Variants in HTR4 observed in about 807,000 individuals in gnomAD.
HTR4 encodes 5-hydroxytryptamine receptor 4.
A neutral mutation model predicts 36.8 loss-of-function variants in HTR4; 16 were observed. The observed-to-expected ratio is 0.43, with a 90% CI of 0.29 to 0.66. The LOEUF (loss-of-function observed/expected upper bound fraction) is 0.66, where lower values mean the gene tolerates loss of function less well. Among genes scored for constraint, HTR4 ranks in the 30% least tolerant of loss-of-function variants. The probability of loss-of-function intolerance (pLI) is 0.13; values close to 1 mark genes in which losing one functional copy is unlikely to be tolerated. For synonymous variants in HTR4, 189 were observed against 185.1 expected (o/e 1.02, Z -0.17); for missense variants, 438 against 490.9 (o/e 0.89, Z 1.02).
At chr5:148,572,697 T>G (rs1272940413) in intron 2 of HTR4, among the ~76,000 whole-genome samples, 1 of 152,128 alleles carries the variant, frequency 6.6e-6, no homozygotes, top group Admixed American at 6.6e-5. Flanking sequence ...AAATATCTCA[T>G]TCTTAAACCA....
At chr5:148,634,179 G>C (rs10477387) in intron 2 of HTR4, among the ~76,000 whole-genome samples, 59,497 of 151,870 alleles carry the variant, frequency 0.39, 12,219 homozygotes, top group East Asian at 0.54. Flanking sequence ...CTCAATTCTA[G>C]AGCTTGTGGA....
intron 6 of HTR4, among the ~76,000 whole-genome samples, chr5:148,486,568 T>C (rs1756169233): frequency 6.6e-6 from 1 of 152,198 alleles, no homozygotes; most frequent in South Asian, 2.1e-4. Context: ...TGTAAGATCA[T>C]TTGCAGCTCT....
At chr5:148,579,492 T>G (rs941717470) in intron 2 of HTR4, among the ~76,000 whole-genome samples, 8 of 152,086 alleles carry the variant, frequency 5.3e-5, no homozygotes, top group Admixed American at 5.2e-4. Flanking sequence ...ACATATTAGT[T>G]TTCTATAGAT....
intron 6 of HTR4, among the ~76,000 whole-genome samples, chr5:148,493,796 G>A (rs75231375): frequency 9.9e-4 from 151 of 152,238 alleles, no homozygotes; most frequent in African/African-American, 3.5e-3. Context: ...AGTCTGCCCT[G>A]GTAGGGGTTA....
At position 148,614,316 on chromosome 5, in the gene HTR4, A is replaced by G. The variant is rs1168991420; in HGVS notation, c.26+22673T>C. Among the ~76,000 whole-genome samples the G allele has an allele frequency of 1.1e-4, 17 of 150,874 alleles. No individual in the cohort carries two copies. In the East Asian group the frequency reaches 1.2e-3, roughly 10 times the overall value. ...GCTACAGTAACCAAAACAGCATGGT[A>G]CTGGTACCAAAACAGAGATATAGAT... On this transcript the variant is annotated intron_variant, in intron 2 of 6. Coordinates refer to ENST00000377888, the MANE Select transcript of HTR4 (RefSeq NM_000870.7).
chr5:148,642,733 C>T (rs926753824), intron 1 of HTR4, among the ~76,000 whole-genome samples: 7 of 152,156 alleles, frequency 4.6e-5, no homozygotes, highest in Non-Finnish European at 7.3e-5. Context: ...AAAATACTCT[C>T]ACTAAATGGA....
chr5:148,634,339 T>G (rs903758717), intron 2 of HTR4, among the ~76,000 whole-genome samples: 4 of 152,190 alleles, frequency 2.6e-5, no homozygotes, highest in Non-Finnish European at 4.4e-5. Context: ...ATCTCAGCAA[T>G]GTATACATAG....
chr5:148,470,932 G>T lies in HTR4; in HGVS notation c.1077-19660C>A, dbSNP rs375247987. On this transcript the variant is annotated intron_variant, in intron 5 of 5. Coordinates refer to the HTR4 transcript ENST00000521530. ...TTGAACTCCTGACCTCAAATGATCT[G>T]CTCCTTTCAGCATCCCAAAGTGCTG... 3.9e-5 allele frequency among the ~76,000 whole-genome samples: 6 copies of T among 152,182 alleles called. No homozygotes were observed. In the South Asian group the frequency reaches 1.0e-3, roughly 26 times the overall value.
intron 1 of HTR4, among the ~76,000 whole-genome samples, chr5:148,648,158 A>G (rs1156518651): frequency 6.6e-6 from 1 of 152,214 alleles, no homozygotes; most frequent in Non-Finnish European, 1.5e-5. Context: ...ATCTATTTTC[A>G]TAATAAAATA....
At chr5:148,588,764 TCTC>T (rs1397783424) in intron 2 of HTR4, among the ~76,000 whole-genome samples, 3 of 151,144 alleles carry the variant, frequency 2.0e-5, no homozygotes, top group African/African-American at 7.3e-5. Context: ...ATGGTCTTGA[TCTC>T]CTGACCTCAT....
chr5:148,470,998 G>C (rs1277409298), intron 5 of HTR4, among the ~76,000 whole-genome samples: 3 of 152,038 alleles, frequency 2.0e-5, no homozygotes, highest in Non-Finnish European at 4.4e-5. Context: ...GCCTCTAAAA[G>C]TAATTTCTAT....
intron 2 of HTR4, among the ~76,000 whole-genome samples, chr5:148,583,611 CCATCATCATCATCAT>C (rs112185238): frequency 3.4e-4 from 50 of 147,992 alleles, no homozygotes; most frequent in Admixed American, 6.1e-4. Context: ...ATACTAATTG[CCATCATCATCATCAT>C]CATCATCATC....
chr5:148,579,144 C>T (rs921485506), intron 2 of HTR4, among the ~76,000 whole-genome samples: 5 of 152,100 alleles, frequency 3.3e-5, no homozygotes, highest in Non-Finnish European at 7.4e-5. Flanking sequence ...AGGAACTGTA[C>T]ATAAGTGTTT....
Position 148,509,495 on chromosome 5 carries a change from C to A in HTR4, c.1037G>T (p.Cys346Phe). Residue 346 changes from cysteine to phenylalanine, a missense_variant, in exon 6 of 7, where the codon TGT becomes TTT. By Grantham distance (205) the Cys-to-Phe change is radical. Transcript: ENST00000377888. ...GGATCCATTAATGGTTGTGGTTGAA[C>A]AAGGGACAGTCTGGCCCAGAATGGA... ...RPSILGQTVP[C>F]STTTINGSTH... The A allele has an allele frequency of 1.9e-6, 3 of 1,612,834 alleles. No homozygotes were observed. Among genetic ancestry groups the A allele is most frequent in the Non-Finnish European group, 2.5e-6 (3 of 1,179,450 alleles).
intron 1 of HTR4, among the ~76,000 whole-genome samples, chr5:148,641,716 G>C (rs550941372): frequency 3.0e-4 from 46 of 152,180 alleles, no homozygotes; most frequent in Non-Finnish European, 5.6e-4. Context: ...TCTTATTTAT[G>C]CCACTCAACA....
In HTR4 at chr5:148,590,799, GT is replaced by G. The variant is rs575235251; in HGVS notation, c.27-40538del. 5.6e-3 allele frequency among the ~76,000 whole-genome samples: 817 copies of G among 146,280 alleles called. 3 individuals are homozygous for G. Among genetic ancestry groups the G allele is most frequent in the Middle Eastern group, 0.018 (5 of 280 alleles). Reference sequence around the variant, plus strand: ...AGGTTATCTGTTTATTCTGTGTATAGTTTTTTTTTTTCCTGTGAAGAAACTC... The same window carrying G: ...AGGTTATCTGTTTATTCTGTGTATAGTTTTTTTTTTCCTGTGAAGAAACTC... On this transcript the variant is annotated intron_variant, in intron 2 of 6. Transcript: ENST00000377888.
intron 5 of HTR4, among the ~76,000 whole-genome samples, chr5:148,522,457 G>C (rs1581419862): frequency 6.6e-6 from 1 of 152,234 alleles, no homozygotes; most frequent in East Asian, 1.9e-4. Flanking sequence ...GTGAGCCTGG[G>C]TTTTCTCATC....
intron 2 of HTR4, among the ~76,000 whole-genome samples, chr5:148,594,712 G>A (rs574377158): frequency 5.3e-5 from 8 of 152,198 alleles, no homozygotes; most frequent in African/African-American, 1.9e-4. Context: ...CTGTTCAAAT[G>A]AAAAACTGGA....
chr5:148,465,220 T>C (rs1041595706), intron 5 of HTR4, among the ~76,000 whole-genome samples: 1 of 152,062 alleles, frequency 6.6e-6, no homozygotes, highest in East Asian at 1.9e-4. Flanking sequence ...AACTCTAATG[T>C]AAACTATGGA....
Sources: gnomAD v4.1 joint callset for allele counts (sites outside exome capture counted in the v4.1 genomes callset) on GRCh38, gnomAD v4.1.1 for gene constraint, MANE v1.5 for transcripts, NCBI Gene and HGNC (gene_info 2026-07-23, HGNC 2026-07-21) for gene names.